Variants in CSMD1 observed in about 807,000 individuals in gnomAD.
CSMD1 encodes CUB and Sushi multiple domains 1.
Under a neutral mutation model 417.5 loss-of-function variants are expected in CSMD1, and 213 were observed. The observed-to-expected ratio is 0.51, with a 90% CI of 0.46 to 0.57. The LOEUF (loss-of-function observed/expected upper bound fraction) is 0.57, where lower values mean the gene tolerates loss of function less well. CSMD1 is among the 20% of genes least tolerant of loss of function. The pLI, the probability that CSMD1 is intolerant of heterozygous loss-of-function variation, is 0.00. For synonymous variants in CSMD1, 2,862 were observed against 1,736.8 expected (o/e 1.65, Z -16.11); for missense variants, 6,923 against 4,529.7 (o/e 1.53, Z -15.17).
intron 3 of CSMD1, among the ~76,000 whole-genome samples, chr8:4,217,121 A>T (rs963074987): frequency 6.6e-6 from 1 of 152,210 alleles, no homozygotes; most frequent in Non-Finnish European, 1.5e-5. Flanking sequence ...GTGTAGTGCT[A>T]GTCTACATAG....
chr8:4,970,359 C>A (rs896939384), intron 1 of CSMD1, among the ~76,000 whole-genome samples: 1 of 152,028 alleles, frequency 6.6e-6, no homozygotes, highest in Non-Finnish European at 1.5e-5. Flanking sequence ...CAAAAAGATT[C>A]AAAAATGGTA....
intron 1 of CSMD1, among the ~76,000 whole-genome samples, chr8:4,826,472 G>A (rs1224113825): frequency 6.6e-6 from 1 of 152,086 alleles, no homozygotes; most frequent in East Asian, 1.9e-4. Context: ...TAGTTTCTTT[G>A]ATTTTGCTTT....
intron 2 of CSMD1, among the ~76,000 whole-genome samples, chr8:4,611,415 G>A (rs562160713): frequency 6.6e-6 from 1 of 152,158 alleles, no homozygotes. Flanking sequence ...ATTGTTTAAT[G>A]TTTTAAACTC....
At chr8:3,321,770 CTG>C (rs959962803) in intron 23 of CSMD1, among the ~76,000 whole-genome samples, 86 of 152,240 alleles carry the variant, frequency 5.6e-4, no homozygotes, top group African/African-American at 2.0e-3. Flanking sequence ...ACAAAGTTAA[CTG>C]TATTTTCTAA....
At chr8:4,396,188 G>A (rs7844679) in intron 3 of CSMD1, among the ~76,000 whole-genome samples, 1 of 151,974 alleles carries the variant, frequency 6.6e-6, no homozygotes, top group Non-Finnish European at 1.5e-5. Flanking sequence ...TTTCCAGTTG[G>A]GCACAATGAC....
chr8:3,651,085 C>T (rs1159965351), intron 7 of CSMD1, among the ~76,000 whole-genome samples: 1 of 152,202 alleles, frequency 6.6e-6, no homozygotes, highest in Non-Finnish European at 1.5e-5. Flanking sequence ...AAGATTCGTG[C>T]ATACAATGGC....
At chr8:3,300,415 T>C (rs1458031236) in intron 25 of CSMD1, among the ~76,000 whole-genome samples, 1 of 151,988 alleles carries the variant, frequency 6.6e-6, no homozygotes, top group East Asian at 1.9e-4. Flanking sequence ...TAATTAACCA[T>C]AAACCATGCC....
At chr8:3,004,265 G>A (rs967456216) in intron 52 of CSMD1, among the ~76,000 whole-genome samples, 3 of 152,070 alleles carry the variant, frequency 2.0e-5, no homozygotes, top group Non-Finnish European at 2.9e-5. Context: ...ATTCATTGAC[G>A]TTTAGCTTCA....
intron 1 of CSMD1, among the ~76,000 whole-genome samples, chr8:4,650,597 C>T (rs1224845378): frequency 6.6e-6 from 1 of 151,374 alleles, no homozygotes; most frequent in Non-Finnish European, 1.5e-5. Context: ...TTCGGATTTG[C>T]TATACAAAGT....
chr8:4,647,394 G>A (rs771873915), intron 1 of CSMD1, among the ~76,000 whole-genome samples: 1 of 150,504 alleles, frequency 6.6e-6, no homozygotes, highest in Non-Finnish European at 1.5e-5. Context: ...GTGCCACGGA[G>A]GTCTGTTAGG....
intron 3 of CSMD1, among the ~76,000 whole-genome samples, chr8:4,377,236 A>C (rs1334755708): frequency 6.6e-6 from 1 of 152,172 alleles, no homozygotes; most frequent in African/African-American, 2.4e-5. Flanking sequence ...TAATTAACCG[A>C]GATTAGTAAT....
chr8:4,973,615 T>G (rs1033332598), intron 1 of CSMD1, among the ~76,000 whole-genome samples: 2 of 152,200 alleles, frequency 1.3e-5, no homozygotes, highest in Admixed American at 6.5e-5. Flanking sequence ...TCTAATTTCG[T>G]ATCTCTACAA....
chr8:3,496,473 T>A (rs10109358), intron 10 of CSMD1, among the ~76,000 whole-genome samples: 12,440 of 152,268 alleles, frequency 0.082, 548 homozygotes, highest in African/African-American at 0.11. Flanking sequence ...TTGAAATCTT[T>A]CTACTTTTTT....
chr8:3,548,897 C>A (rs931898370), intron 10 of CSMD1, among the ~76,000 whole-genome samples: 1 of 152,102 alleles, frequency 6.6e-6, no homozygotes, highest in Non-Finnish European at 1.5e-5. Context: ...CCACATCCTC[C>A]CCTTCTCACC....
chr8:3,527,643 C>A (rs192257289), intron 10 of CSMD1, among the ~76,000 whole-genome samples: 1 of 152,024 alleles, frequency 6.6e-6, no homozygotes, highest in Non-Finnish European at 1.5e-5. Flanking sequence ...AATCTCAAAC[C>A]AGGTCTGCAG....
At chr8:3,963,186 C>A (rs1812442310) in intron 5 of CSMD1, among the ~76,000 whole-genome samples, 1 of 152,154 alleles carries the variant, frequency 6.6e-6, no homozygotes. Context: ...CCATTCTCGG[C>A]CTCCCAAAGT....
rs903216859 is a variant in CSMD1, at chr8:4,787,536, C to G, written c.86-149978G>C. 3.0e-6 allele frequency: 4 copies of G among 1,334,392 alleles called. No individual in the cohort carries two copies. In the African/African-American group the frequency reaches 4.3e-5, roughly 14 times the overall value. 82.7% of individuals were successfully genotyped at this position (1,334,392 alleles called of 1,614,324 possible). A position where few individuals can be genotyped will look rare whatever the true frequency, so the allele number is the denominator to read the frequency against. ...TTATTATAGGAAGCAGGTATTAAAA[C>G]TGCCTTCACCAGAAAATGTGGGGAG... On this transcript the variant is annotated intron_variant, in intron 1 of 69. Transcript: ENST00000635120.
chr8:4,107,905 A>C (rs535069954), intron 3 of CSMD1, among the ~76,000 whole-genome samples: 62 of 152,318 alleles, frequency 4.1e-4, no homozygotes, highest in African/African-American at 1.3e-3. Flanking sequence ...ATACAAACTG[A>C]AACAAATAAC....
chr8:3,744,999 G>A (rs1207875030), intron 6 of CSMD1, among the ~76,000 whole-genome samples: 2 of 152,122 alleles, frequency 1.3e-5, no homozygotes, highest in South Asian at 4.1e-4. Context: ...GCTGGGGCTG[G>A]GAGGCTCTTA....
Sources: allele counts gnomAD v4.1 joint callset (sites outside exome capture counted in the v4.1 genomes callset), GRCh38; gene constraint gnomAD v4.1.1; transcripts MANE v1.5; gene names NCBI Gene and HGNC (gene_info 2026-07-23, HGNC 2026-07-21).